Variants in TP63 observed in about 807,000 individuals in gnomAD.
TP63 encodes tumor protein p63.
In TP63, 17 loss-of-function variants were observed where a neutral mutation model predicts 82.8. The ratio of observed to expected loss-of-function variants is 0.21; its 90% CI spans 0.14 to 0.31. The LOEUF (loss-of-function observed/expected upper bound fraction) is 0.31. TP63 is among the 10% of genes least tolerant of loss of function. The probability of loss-of-function intolerance (pLI) is 1.00; values close to 1 mark genes in which losing one functional copy is unlikely to be tolerated. For missense variants in TP63, 648 were observed against 895.3 expected (o/e 0.72, Z 3.52); for synonymous variants, 330 against 321.7 (o/e 1.03, Z -0.28).
At chr3:189,683,041 A>G (rs1716116561) in intron 1 of TP63, among the ~76,000 whole-genome samples, 2 of 152,206 alleles carry the variant, frequency 1.3e-5, no homozygotes, top group African/African-American at 4.8e-5. Context: ...TCCATTATAC[A>G]GATGAGGAAA....
intron 1 of TP63, among the ~76,000 whole-genome samples, chr3:189,691,620 A>G (rs984409966): frequency 6.6e-6 from 1 of 152,196 alleles, no homozygotes; most frequent in Non-Finnish European, 1.5e-5. Flanking sequence ...CCTCTGGTTA[A>G]GAAACGCTGC....
intron 1 of TP63, among the ~76,000 whole-genome samples, chr3:189,677,807 G>C (rs1715574676): frequency 1.3e-5 from 2 of 151,984 alleles, no homozygotes; most frequent in Non-Finnish European, 2.9e-5. Context: ...GTGTAAGATG[G>C]TATCTCATTG....
At chr3:189,866,621 A>T in intron 5 of TP63, 61 bp from the exon 6 acceptor site, 1 of 1,472,550 alleles carries the variant, frequency 6.8e-7, no homozygotes, top group Non-Finnish European at 9.4e-7. Context: ...ATGCAATTTC[A>T]TTTTATTTTC....
rs149213836 is a variant in TP63, at chr3:189,674,738, A to G, written c.62+43161A>G. Among the ~76,000 whole-genome samples, 101 of 152,228 alleles carry G rather than the reference A, an allele frequency of 6.6e-4. No homozygotes were observed. The East Asian group carries it at 0.016, about 24-fold the overall frequency. On this transcript the variant is annotated intron_variant, in intron 1 of 13. Coordinates refer to ENST00000264731, the MANE Select transcript of TP63 (RefSeq NM_003722.5). ...GCACTGAAGCAGAGTACAGATATAC[A>G]CATAAAATGAGCTTTAGATGGGACT... is the stretch of plus-strand genomic sequence containing the variant.
intron 4 of TP63, 22 bp downstream of exon 4, chr3:189,808,548 A>G (rs748782970): frequency 2.5e-6 from 4 of 1,612,254 alleles, no homozygotes; most frequent in Non-Finnish European, 2.5e-6. Flanking sequence ...GGGCACGCAC[A>G]TACCTGACCC....
chr3:189,736,804 C>T (rs1248001334), intron 1 of TP63, among the ~76,000 whole-genome samples: 1 of 151,968 alleles, frequency 6.6e-6, no homozygotes, highest in African/African-American at 2.4e-5. Flanking sequence ...ATTGACTATC[C>T]TCATACAGTA....
intron 1 of TP63, among the ~76,000 whole-genome samples, chr3:189,663,955 A>G (rs1410584732): frequency 6.6e-6 from 1 of 152,180 alleles, no homozygotes; most frequent in Non-Finnish European, 1.5e-5. Flanking sequence ...AGAAACAAAT[A>G]TATATCTATT....
At chr3:189,664,425 A>C (rs988792665) in intron 1 of TP63, among the ~76,000 whole-genome samples, 22 of 152,156 alleles carry the variant, frequency 1.4e-4, no homozygotes, top group African/African-American at 4.8e-4. Context: ...TGGTACTGCC[A>C]TCCTATTTCC....
At chr3:189,652,316 C>T (rs1041027884) in intron 1 of TP63, among the ~76,000 whole-genome samples, 2 of 146,828 alleles carry the variant, frequency 1.4e-5, no homozygotes, top group African/African-American at 5.1e-5. Context: ...GACATAAAGT[C>T]AAGGAGATCA....
chr3:189,713,487 G>GTAATC (rs1718745422), intron 1 of TP63, among the ~76,000 whole-genome samples: 1 of 152,098 alleles, frequency 6.6e-6, no homozygotes, highest in African/African-American at 2.4e-5. Flanking sequence ...CGTTTAGGGG[G>GTAATC]TAATCTCAAA....
intron 1 of TP63, among the ~76,000 whole-genome samples, chr3:189,650,241 C>T (rs900080518): frequency 6.8e-6 from 1 of 146,812 alleles, no homozygotes; most frequent in African/African-American, 2.6e-5. Flanking sequence ...CTGATATGTC[C>T]GCAAAAGATC....
chr3:189,781,365 C>T (rs1465111176), intron 3 of TP63, among the ~76,000 whole-genome samples: 1 of 152,138 alleles, frequency 6.6e-6, no homozygotes, highest in African/African-American at 2.4e-5. Context: ...GGGAGATTCA[C>T]AGGTGGGATT....
intron 1 of TP63, among the ~76,000 whole-genome samples, chr3:189,664,402 G>T (rs1714195798): frequency 6.6e-6 from 1 of 152,112 alleles, no homozygotes; most frequent in African/African-American, 2.4e-5. Context: ...TAAAGCTAGA[G>T]ATGGTCGGTC....
intron 3 of TP63, among the ~76,000 whole-genome samples, chr3:189,746,774 TATA>T (rs1362928827): frequency 6.7e-6 from 1 of 150,274 alleles, no homozygotes; most frequent in East Asian, 1.9e-4. Flanking sequence ...AAGACCCAAC[TATA>T]ATATCTATTA....
chr3:189,631,867 A>G (rs760234066), intron 1 of TP63, among the ~76,000 whole-genome samples: 2 of 152,162 alleles, frequency 1.3e-5, no homozygotes, highest in Admixed American at 6.6e-5. Flanking sequence ...CTTGTTCAGC[A>G]CCTACTCACT....
At chr3:189,677,027 A>G (rs1386131483) in intron 1 of TP63, among the ~76,000 whole-genome samples, 1 of 128,842 alleles carries the variant, frequency 7.8e-6, no homozygotes, top group East Asian at 2.2e-4. Flanking sequence ...TCTGCTCTCT[A>G]TGTCCACGTA....
intron 1 of TP63, among the ~76,000 whole-genome samples, chr3:189,676,347 A>G (rs1261605240): frequency 1.3e-5 from 2 of 152,086 alleles, no homozygotes; most frequent in African/African-American, 2.4e-5. Flanking sequence ...GGCAACACCA[A>G]GCTACTCTCT....
intron 4 of TP63, among the ~76,000 whole-genome samples, chr3:189,848,270 T>TCTCTCTCTCTCTCTCTCTCTC (rs1560254388): frequency 5.3e-5 from 8 of 151,056 alleles, no homozygotes; most frequent in Admixed American, 1.3e-4. Flanking sequence ...TCTCTCTCTC[T>TCTCTCTCTCTCTCTCTCTCTC]GTTGCCTAGG....
rs114542631 is a variant in TP63, at chr3:189,887,501, A to G, written c.1507+950A>G. On this transcript the variant is annotated intron_variant, in intron 11 of 13. Coordinates refer to ENST00000264731, the MANE Select transcript of TP63 (RefSeq NM_003722.5). ...GTACAAATGAAAAAGGCACTGTAAG[A>G]ATTGGGCCTCCAAGTGGATGATGAC... 2.8e-3 allele frequency among the ~76,000 whole-genome samples: 427 copies of G among 152,252 alleles called. 3 individuals carry two copies. The highest frequency in any genetic ancestry group is 0.024 in the South Asian group (116 of 4,820).
Sources: allele counts gnomAD v4.1 joint callset (sites outside exome capture counted in the v4.1 genomes callset), GRCh38; gene constraint gnomAD v4.1.1; transcripts MANE v1.5; gene names NCBI Gene and HGNC (gene_info 2026-07-23, HGNC 2026-07-21).